Variants in NAALADL2 observed in about 807,000 individuals in gnomAD.
NAALADL2 encodes the protein N-acetylated alpha-linked acidic dipeptidase like 2, also known as inactive N-acetylated-alpha-linked acidic dipeptidase-like protein 2.
In NAALADL2, 76 loss-of-function variants were observed where a neutral mutation model predicts 87.2. That is an observed-to-expected ratio of 0.87 (90% CI 0.72 to 1.05). The LOEUF (loss-of-function observed/expected upper bound fraction) is 1.05, where lower values mean the gene tolerates loss of function less well. Ranked by LOEUF, NAALADL2 falls within the 50% of genes least tolerant of loss-of-function variation. NAALADL2 has a pLI of 0.00. For missense variants in NAALADL2, 1,089 were observed against 945.8 expected, an observed-to-expected ratio of 1.15 and a Z score of -1.99; for synonymous variants, 354 against 331.0, an observed-to-expected ratio of 1.07 and a Z score of -0.75.
chr3:175,376,517 A>G (rs1311831234), intron 5 of NAALADL2, among the ~76,000 whole-genome samples: 1 of 152,000 alleles, frequency 6.6e-6, no homozygotes, highest in African/African-American at 2.4e-5. Flanking sequence ...GTGGAAAGCA[A>G]CTGTTTTATT....
In NAALADL2 at chr3:175,463,701, G is replaced by GGAGA. The variant is rs10591566; in HGVS notation, c.1327+240_1327+243dup. On this transcript the variant is annotated intron_variant, in intron 7 of 13. Transcript: ENST00000454872. ...TCTTCTAAAATAAATCTTAGTCGGG[G>GGAGA]GAGAGAGAGAGAGAGAGAGAGAGAG... is the stretch of plus-strand genomic sequence containing the variant. 6.8e-3 allele frequency among the ~76,000 whole-genome samples: 790 copies of GGAGA among 115,504 alleles called. 15 individuals are homozygous for GGAGA. The highest frequency in any genetic ancestry group is 0.019 in the African/African-American group (483 of 25,382). 75.8% of individuals were successfully genotyped at this position (115,504 alleles called of 152,430 possible).
At chr3:174,822,174 C>T (rs929430903) in intron 3 of NAALADL2, among the ~76,000 whole-genome samples, 2 of 132,714 alleles carry the variant, frequency 1.5e-5, no homozygotes, top group East Asian at 2.2e-4. Context: ...ACACACAGGG[C>T]GGAGGGAGAG....
At position 175,397,948 on chromosome 3, in the gene NAALADL2, C is replaced by T. The variant is rs189856263; in HGVS notation, c.1091-49281C>T. Among the ~76,000 whole-genome samples, 574 of 152,100 alleles carry T rather than the reference C, an allele frequency of 3.8e-3. 2 individuals are homozygous for T. The highest frequency in any genetic ancestry group is 0.01 in the Middle Eastern group (3 of 294). On this transcript the variant is annotated intron_variant, in intron 5 of 13. Coordinates refer to ENST00000454872, the MANE Select transcript of NAALADL2 (RefSeq NM_207015.3). ...TGCCATGTTATTAACACAGTAAAGCCAGTTTATTGTTTTAGTCTTATCTCT... is the reference window on the plus strand; with the variant it reads ...TGCCATGTTATTAACACAGTAAAGCTAGTTTATTGTTTTAGTCTTATCTCT...
intron 1 of NAALADL2, among the ~76,000 whole-genome samples, chr3:174,902,375 C>G (rs1023074631): frequency 1.3e-5 from 2 of 151,998 alleles, no homozygotes; most frequent in Non-Finnish European, 2.9e-5. Flanking sequence ...AGAACAGATT[C>G]TGGCTCATTG....
At position 175,768,454 on chromosome 3, in the gene NAALADL2, T is replaced by C. The variant is rs1237234905; in HGVS notation, c.2189+13036T>C. On this transcript the variant is annotated intron_variant, in intron 13 of 13. Transcript: ENST00000454872. ...GAAGTTCAGAAACATTAGTTTTTTT[T>C]CTTCAAAGTTACCAGAGATGGTAAA... Among the ~76,000 whole-genome samples the C allele has an allele frequency of 3.3e-5, 5 of 152,360 alleles. 1 individual carries two copies. The highest frequency in any genetic ancestry group is 3.3e-4 in the Admixed American group (5 of 15,304).
intron 2 of NAALADL2, among the ~76,000 whole-genome samples, chr3:175,206,286 G>GTATGTATGTGTATATA (rs1454401437): frequency 9.5e-6 from 1 of 105,458 alleles, no homozygotes; most frequent in Admixed American, 1.1e-4. Flanking sequence ...CTGTGTGTGT[G>GTATGTATGTGTATATA]TATGTATGTG....
intron 13 of NAALADL2, among the ~76,000 whole-genome samples, chr3:175,793,307 C>CT (rs66905230): frequency 0.091 from 10,641 of 116,898 alleles, 612 homozygotes; most frequent in African/African-American, 0.14. Flanking sequence ...CATTTTCTTT[C>CT]TTTTTTTTTT....
At chr3:175,600,292 A>T (rs988249949) in intron 10 of NAALADL2, among the ~76,000 whole-genome samples, 4 of 151,910 alleles carry the variant, frequency 2.6e-5, no homozygotes, top group Admixed American at 2.0e-4. Context: ...GTACATACAC[A>T]TAATCTCAAA....
intron 2 of NAALADL2, among the ~76,000 whole-genome samples, chr3:175,214,367 G>A (rs1250110016): frequency 6.6e-6 from 1 of 152,102 alleles, no homozygotes; most frequent in Non-Finnish European, 1.5e-5. Context: ...AAAAGCCTCT[G>A]TGTCTTTCAG....
chr3:175,201,688 A>G (rs570310306), intron 2 of NAALADL2, among the ~76,000 whole-genome samples: 1 of 152,074 alleles, frequency 6.6e-6, no homozygotes, highest in South Asian at 2.1e-4. Flanking sequence ...TTTGTACACT[A>G]ATTTCCTTTT....
chr3:174,938,662 T>C (rs1046086644), intron 1 of NAALADL2, among the ~76,000 whole-genome samples: 5 of 152,118 alleles, frequency 3.3e-5, no homozygotes, highest in South Asian at 2.1e-4. Context: ...AGTGTTCTCT[T>C]TTCTCCAAAA....
intron 11 of NAALADL2, among the ~76,000 whole-genome samples, chr3:175,691,089 A>G (rs1422755216): frequency 6.6e-6 from 1 of 151,720 alleles, no homozygotes; most frequent in Non-Finnish European, 1.5e-5. Context: ...CAACTGAAAA[A>G]ATATTATAAA....
In NAALADL2 at chr3:174,924,246, G is replaced by A. The variant is rs576750827; in HGVS notation, c.43+64796G>A. Reference sequence around the variant, plus strand: ...CCCACAACAGGCCCCGGTGCGTGATGTCCCCCTTCCTGTGTCCAACTGTTC... The same window carrying A: ...CCCACAACAGGCCCCGGTGCGTGATATCCCCCTTCCTGTGTCCAACTGTTC... On this transcript the variant is annotated intron_variant, in intron 1 of 13. Transcript: ENST00000454872. 1.1e-4 allele frequency among the ~76,000 whole-genome samples: 13 copies of A among 122,504 alleles called. No individual in the cohort carries two copies. In the South Asian group the frequency reaches 3.3e-3, roughly 31 times the overall value. The allele number at this position is 122,504 out of a possible 152,430, so 80.4% of individuals were successfully genotyped here.
At chr3:175,612,847 TTA>T (rs1205458202) in intron 10 of NAALADL2, among the ~76,000 whole-genome samples, 3 of 152,186 alleles carry the variant, frequency 2.0e-5, no homozygotes, top group Non-Finnish European at 4.4e-5. Context: ...ACCTTGCAAT[TTA>T]TTTGTGTACG....
At chr3:175,373,962 A>C (rs990321632) in intron 5 of NAALADL2, among the ~76,000 whole-genome samples, 1 of 152,164 alleles carries the variant, frequency 6.6e-6, no homozygotes, top group Non-Finnish European at 1.5e-5. Context: ...TTTATGGAAG[A>C]ATCTGTCTAT....
Position 174,692,849 on chromosome 3 carries a change from T to G in NAALADL2, c.-114-44792T>G, listed in dbSNP as rs1452580780. ...AATACTGCAATCATTATTGTCTCTT[T>G]TAAACAAGTTTTCATATTTTACTTC... On this transcript the variant is annotated intron_variant, in intron 2 of 3. Transcript: ENST00000434257. Among the ~76,000 whole-genome samples the G allele has an allele frequency of 1.3e-5, 2 of 151,750 alleles. 1 individual carries two copies. Among genetic ancestry groups the G allele is most frequent in the African/African-American group, 4.8e-5 (2 of 41,372 alleles).
At chr3:175,189,617 A>T (rs1737844137) in intron 2 of NAALADL2, among the ~76,000 whole-genome samples, 1 of 152,200 alleles carries the variant, frequency 6.6e-6, no homozygotes, top group Admixed American at 6.5e-5. Flanking sequence ...CAGAAAAATC[A>T]ATATTGTTAA....
chr3:174,828,115 G>A (rs1297869207), intron 3 of NAALADL2, among the ~76,000 whole-genome samples: 1 of 152,080 alleles, frequency 6.6e-6, no homozygotes, highest in African/African-American at 2.4e-5. Flanking sequence ...CCCAGGAATG[G>A]ACTGCTCTCC....
chr3:175,732,143 T>A (rs1012329266), intron 11 of NAALADL2, among the ~76,000 whole-genome samples: 2 of 152,144 alleles, frequency 1.3e-5, no homozygotes, highest in Non-Finnish European at 2.9e-5. Flanking sequence ...TTGTGATCAC[T>A]CTGCTGGTGT....
Sources: allele counts gnomAD v4.1 joint callset (sites outside exome capture counted in the v4.1 genomes callset), GRCh38; gene constraint gnomAD v4.1.1; transcripts MANE v1.5; gene names NCBI Gene and HGNC (gene_info 2026-07-23, HGNC 2026-07-21).